SLC10A4: variants seen among roughly 807,000 people sequenced by gnomAD.
SLC10A4 encodes the protein putative sodium/bile acid cotransporter 4.
In SLC10A4, 17 loss-of-function variants were observed where a neutral mutation model predicts 22.5. That is an observed-to-expected ratio of 0.76 (90% confidence interval 0.52 to 1.14). The LOEUF is 1.14. Ranked by LOEUF, SLC10A4 falls within the 50% of genes most tolerant of loss-of-function variation. The pLI, the probability that SLC10A4 is intolerant of heterozygous loss-of-function variation, is 0.00. For synonymous variants in SLC10A4, 257 were observed against 258.2 expected, an observed-to-expected ratio of 1.00 and a Z score of 0.04; for missense variants, 548 against 584.0, an observed-to-expected ratio of 0.94 and a Z score of 0.64.
At chr4:48,484,816 T>G in intron 1 of SLC10A4, 116 bp from the exon 2 acceptor site, 1 of 956,448 alleles carries the variant, frequency 1.0e-6, no homozygotes, top group Non-Finnish European at 1.6e-6. Context: ...TGCCCAGACT[T>G]CAACCCCGGG....
chr4:48,489,425 T>C lies in SLC10A4; in HGVS notation c.*486T>C, dbSNP rs7668401. On this transcript the variant is annotated 3_prime_UTR_variant, in exon 3 of 3. Coordinates refer to ENST00000273861, the MANE Select transcript of SLC10A4 (RefSeq NM_152679.4). Reference sequence around the variant, plus strand: ...AACAGGTCAGTTAAATAAGGAAATATAGTATTTGTCAAACCAGTATCAGAG... The same window carrying C: ...AACAGGTCAGTTAAATAAGGAAATACAGTATTTGTCAAACCAGTATCAGAG... Among the ~76,000 whole-genome samples, 48,600 of 152,156 alleles carry C rather than the reference T, an allele frequency of 0.32. 8,257 individuals carry two copies. Among genetic ancestry groups the C allele is most frequent in the African/African-American group, 0.43 (18,039 of 41,510 alleles).
chr4:48,488,853 A>C lies in SLC10A4; in HGVS notation c.1228A>C (p.Lys410Gln). The change falls in exon 3 of 3, where the codon AAA becomes CAA. Residue 410 changes from lysine to glutamine, a missense_variant. Transcript: ENST00000273861. ...EDTDISYKKLKEEEMADTSYG... is the reference protein window; with the variant it reads ...EDTDISYKKLQEEEMADTSYG... ...TACAGATATTTCTTATAAAAAACTAAAAGAAGAGGAAATGGCAGACACTTC... is the reference window on the plus strand; with the variant it reads ...TACAGATATTTCTTATAAAAAACTACAAGAAGAGGAAATGGCAGACACTTC... The C allele has an allele frequency of 6.2e-7, 1 of 1,613,776 alleles. No individual in the cohort carries two copies. The highest frequency in any genetic ancestry group is 1.7e-5 in the Admixed American group (1 of 60,000).
At position 48,489,452 on chromosome 4, in the gene SLC10A4, A is replaced by C. The variant is rs1718348531; in HGVS notation, c.*513A>C. ...GTATTTGTCAAACCAGTATCAGAGA[A>C]AAGTTACATTAATGTATTTGATTAC... On this transcript the variant is annotated 3_prime_UTR_variant, in exon 3 of 3. Transcript: ENST00000273861. Among the ~76,000 whole-genome samples the C allele has an allele frequency of 6.6e-6, 1 of 152,256 alleles. No homozygotes were observed. Among genetic ancestry groups the C allele is most frequent in the Admixed American group, 6.5e-5 (1 of 15,286 alleles).
In SLC10A4 at chr4:48,488,974, A is replaced by C. The variant is rs749205496; in HGVS notation, c.*35A>C. On this transcript the variant is annotated 3_prime_UTR_variant, in exon 3 of 3. Coordinates refer to ENST00000273861, the MANE Select transcript of SLC10A4 (RefSeq NM_152679.4). ...TACACAGGAGCTTCTATCTTGCTGA[A>C]ATATTGCTTCATATTTATAGCCTGT... 2 of 1,540,458 alleles carry C rather than the reference A, an allele frequency of 1.3e-6. No homozygotes were observed. The highest frequency in any genetic ancestry group is 1.7e-6 in the Non-Finnish European group (2 of 1,151,506).
intron 2 of SLC10A4, among the ~76,000 whole-genome samples, chr4:48,486,356 CTT>C (rs1170632957): frequency 1.3e-5 from 2 of 151,720 alleles, no homozygotes; most frequent in Non-Finnish European, 2.9e-5. Context: ...CATAGATACT[CTT>C]GAGATGCATT....
At chr4:48,484,423 T>TC (rs761613601) in intron 1 of SLC10A4, among the ~76,000 whole-genome samples, 1 of 152,034 alleles carries the variant, frequency 6.6e-6, no homozygotes, top group African/African-American at 2.4e-5. Context: ...TCCCTCGCCG[T>TC]CCTCCCCGAG....
At chr4:48,486,582 C>T (rs1342473836) in intron 2 of SLC10A4, among the ~76,000 whole-genome samples, 1 of 150,828 alleles carries the variant, frequency 6.6e-6, no homozygotes, top group African/African-American at 2.4e-5. Flanking sequence ...TAAGGTTAAC[C>T]TAGCCCTATT....
chr4:48,485,691 T>C (rs1415248239), intron 2 of SLC10A4, among the ~76,000 whole-genome samples: 1 of 152,204 alleles, frequency 6.6e-6, no homozygotes, highest in African/African-American at 2.4e-5. Flanking sequence ...AAATATTGGC[T>C]TTAAAGCACA....
Position 48,483,656 on chromosome 4 carries a change from C to T in SLC10A4, c.95C>T (p.Thr32Met). The change falls in exon 1 of 3, where the codon ACG becomes ATG. Residue 32 changes from threonine to methionine, a missense_variant. Thr to Met is a moderately conservative substitution (Grantham distance 81, BLOSUM62 -1). Coordinates refer to ENST00000273861, the MANE Select transcript of SLC10A4 (RefSeq NM_152679.4). The surrounding 1 kb of genome is among the most constrained non-coding windows in gnomAD (Gnocchi z 5.4). Reference sequence around the variant, plus strand: ...AATGCCAGCAGCCTGGGCCCCGGCACGGACCTCGCCCTCGCCCCTGCCTCC... The same window carrying T: ...AATGCCAGCAGCCTGGGCCCCGGCATGGACCTCGCCCTCGCCCCTGCCTCC... ...APNASSLGPGTDLALAPASSA... is the reference protein window; with the variant it reads ...APNASSLGPGMDLALAPASSA... 2.7e-6 allele frequency: 4 copies of T among 1,487,040 alleles called. No individual in the cohort carries two copies. The South Asian group carries it at 3.8e-5, about 14-fold the overall frequency. The allele number at this position is 1,487,040 out of a possible 1,614,324, so 92.1% of individuals were successfully genotyped here.
chr4:48,488,496 G>C lies in SLC10A4; in HGVS notation c.871G>C (p.Glu291Gln). The change falls in exon 3 of 3, where the codon GAA (glutamate) becomes CAA (glutamine). Residue 291 changes from glutamate to glutamine, a missense_variant. Transcript: ENST00000273861. ...FIMTGTMLGPELLASIPAAVY... is the reference protein window; with the variant it reads ...FIMTGTMLGPQLLASIPAAVY... The stretch of plus-strand genomic sequence containing the variant: ...AATGACCGGCACTATGTTAGGACCT[G>C]AACTGCTGGCAAGTATCCCTGCAGC... The C allele has an allele frequency of 2.5e-6, 4 of 1,613,860 alleles. No homozygotes were observed. Among genetic ancestry groups the C allele is most frequent in the Non-Finnish European group, 3.4e-6 (4 of 1,179,978 alleles).
At position 48,484,951 on chromosome 4, in the gene SLC10A4, T is replaced by G; in HGVS notation, c.610T>G (p.Ser204Ala). 6.2e-7 allele frequency: 1 copy of G among 1,613,754 alleles called. No individual in the cohort carries two copies. The highest frequency in any genetic ancestry group is 8.5e-7 in the Non-Finnish European group (1 of 1,179,826). ...MNLSIIMTIS[S>A]TLLALVLMPL... ...CTGCAGCATCATCATGACCATCTCCTCCACGCTTCTGGCCCTCGTCTTGAT... is the reference window on the plus strand; with the variant it reads ...CTGCAGCATCATCATGACCATCTCCGCCACGCTTCTGGCCCTCGTCTTGAT... Residue 204 changes from serine to alanine, a missense_variant, in exon 2 of 3, where the codon TCC becomes GCC. Physicochemically the swap from Ser to Ala is moderately conservative, Grantham distance 99. Transcript: ENST00000273861.
At position 48,488,693 on chromosome 4, in the gene SLC10A4, C is replaced by G; in HGVS notation, c.1068C>G (p.Phe356Leu). 1 of 1,614,018 alleles carries G rather than the reference C, an allele frequency of 6.2e-7. No homozygotes were observed. The highest frequency in any genetic ancestry group is 8.5e-7 in the Non-Finnish European group (1 of 1,180,040). ...AILKLAFPPQ[F>L]IGSMYMFPLL... is the part of the protein sequence containing the mutation. ...TAAAACTGGCCTTTCCACCGCAATT[C>G]ATAGGAAGCATGTACATGTTTCCTT... Residue 356 changes from phenylalanine (F) to leucine (L), a missense_variant, in exon 3 of 3, where the codon TTC becomes TTG. By Grantham distance (22) the Phe-to-Leu change is conservative (BLOSUM62 0). Coordinates refer to ENST00000273861, the MANE Select transcript of SLC10A4 (RefSeq NM_152679.4).
At chr4:48,484,267 G>A (rs1471022713) in intron 1 of SLC10A4, 116 bp downstream of exon 1, 2 of 1,084,382 alleles carry the variant, frequency 1.8e-6, no homozygotes, top group Admixed American at 5.1e-5. Flanking sequence ...GTGGAGGAAG[G>A]AGGAGAAAAG....
At chr4:48,486,184 TAG>T (rs1423144864) in intron 2 of SLC10A4, among the ~76,000 whole-genome samples, 1 of 152,162 alleles carries the variant, frequency 6.6e-6, no homozygotes, top group Non-Finnish European at 1.5e-5. Flanking sequence ...TTTGATTATA[TAG>T]AGTCAGCTTT....
At chr4:48,485,222 G>A in intron 2 of SLC10A4, 80 bp downstream of exon 2, 2 of 1,442,666 alleles carry the variant, frequency 1.4e-6, no homozygotes, top group Non-Finnish European at 1.9e-6. Flanking sequence ...TAGGAAGTTT[G>A]GAGAAGGCGG....
rs368760951 is a variant in SLC10A4 at position 48,488,478 on chromosome 4, G to C, written c.853G>C (p.Gly285Arg). The C allele has an allele frequency of 6.2e-7, 1 of 1,613,134 alleles. No individual in the cohort carries two copies. The highest frequency in any genetic ancestry group is 1.3e-5 in the African/African-American group (1 of 74,668). Residue 285 changes from glycine (G) to arginine (R), a missense_variant, in exon 3 of 3, where the codon GGC becomes CGC. Gly to Arg is a moderately radical substitution (Grantham distance 125). Transcript: ENST00000273861. ...VTLVVLFIMT[G>R]TMLGPELLAS... ...TCTGGTGGTCCTTTTCATAATGACC[G>C]GCACTATGTTAGGACCTGAACTGCT...
In SLC10A4 at chr4:48,485,011, A is replaced by C; in HGVS notation, c.670A>C (p.Ile224Leu). Residue 224 changes from isoleucine to leucine, a missense_variant, in exon 2 of 3, where the codon ATC (isoleucine) becomes CTC (leucine). By Grantham distance (5) the Ile-to-Leu change is conservative. Around this residue, in one of 3 missense-constraint regions of SLC10A4, gnomAD observed 314 missense variants for 353.2 expected, o/e 0.89. Coordinates refer to ENST00000273861, the MANE Select transcript of SLC10A4 (RefSeq NM_152679.4). ...CCTGTGGATCTACAGCTGGGCTTGG[A>C]TCAACACCCCTATCGTGCAGTTACT... ...LCLWIYSWAW[I>L]NTPIVQLLPL... 6 of 1,614,004 alleles carry C rather than the reference A, an allele frequency of 3.7e-6. No individual in the cohort carries two copies. Among genetic ancestry groups the C allele is most frequent in the Non-Finnish European group, 5.1e-6 (6 of 1,180,016 alleles).
chr4:48,486,933 C>T (rs6824075), intron 2 of SLC10A4, among the ~76,000 whole-genome samples: 33,757 of 151,858 alleles, frequency 0.22, 3,824 homozygotes, highest in Middle Eastern at 0.29. Flanking sequence ...TGTAGAGTTA[C>T]GCCATTCCCG....
At position 48,484,921 on chromosome 4, in the gene SLC10A4, C is replaced by G; in HGVS notation, c.591-11C>G. The stretch of plus-strand genomic sequence containing the variant: ...GCTCGTTCTGATTTCTGCACATTCC[C>G]TTTTCTGCAGCATCATCATGACCAT... On this transcript the variant is annotated splice_polypyrimidine_tract_variant and intron_variant, in intron 1 of 2. Coordinates refer to ENST00000273861, the MANE Select transcript of SLC10A4 (RefSeq NM_152679.4). 1 of 1,609,476 alleles carries G rather than the reference C, an allele frequency of 6.2e-7. No homozygotes were observed. The highest frequency in any genetic ancestry group is 8.5e-7 in the Non-Finnish European group (1 of 1,177,102).
Sources: allele counts gnomAD v4.1 joint callset (sites outside exome capture counted in the v4.1 genomes callset), GRCh38; gene constraint gnomAD v4.1.1; regional missense constraint gnomAD v4.1.1; non-coding constraint Gnocchi (gnomAD v3.1); transcripts MANE v1.5; gene names NCBI Gene and HGNC (gene_info 2026-07-23, HGNC 2026-07-21).